Variants in A3GALT2 observed in about 807,000 individuals in gnomAD.
The protein encoded by A3GALT2 is alpha-1,3-galactosyltransferase 2.
A neutral mutation model predicts 16.6 loss-of-function variants in A3GALT2; 14 were observed. That is an observed-to-expected ratio of 0.84 (90% CI 0.56 to 1.32). The LOEUF (loss-of-function observed/expected upper bound fraction) is 1.32. Ranked by LOEUF, A3GALT2 falls within the 40% of genes most tolerant of loss-of-function variation. The pLI is 0.00. For synonymous variants in A3GALT2, 253 were observed against 218.0 expected (o/e 1.16, Z -1.42); for missense variants, 600 against 490.9 (o/e 1.22, Z -2.10).
At chr1:33,318,018 TG>T (rs1329117544) in intron 1 of A3GALT2, among the ~76,000 whole-genome samples, 1 of 152,214 alleles carries the variant, frequency 6.6e-6, no homozygotes, top group Non-Finnish European at 1.5e-5. Flanking sequence ...ATGTACTCTC[TG>T]GAAAACAGAC....
At chr1:33,311,477 A>C (rs1646232188) in intron 4 of A3GALT2, among the ~76,000 whole-genome samples, 1 of 151,964 alleles carries the variant, frequency 6.6e-6, no homozygotes, top group Non-Finnish European at 1.5e-5. Context: ...TGAATCCTCT[A>C]ATCTGGTGAC....
chr1:33,315,917 G>A (rs1298895388), intron 1 of A3GALT2, among the ~76,000 whole-genome samples: 2 of 152,166 alleles, frequency 1.3e-5, no homozygotes, highest in Admixed American at 1.3e-4. Flanking sequence ...TCAGGAAGAT[G>A]TGGGTGTAGT....
At chr1:33,308,750 G>GTTTTGTTTTTTT (rs1646216319) in intron 4 of A3GALT2, among the ~76,000 whole-genome samples, 2 of 46,130 alleles carry the variant, frequency 4.3e-5, no homozygotes, top group African/African-American at 2.4e-4. Flanking sequence ...TGTCAAAGTT[G>GTTTTGTTTTTTT]TTTTTTTTTT....
At chr1:33,317,919 C>T (rs1481385510) in intron 1 of A3GALT2, among the ~76,000 whole-genome samples, 3 of 152,138 alleles carry the variant, frequency 2.0e-5, no homozygotes, top group Admixed American at 6.5e-5. Flanking sequence ...GATTCTAGAG[C>T]GTTTTGGATT....
chr1:33,308,221 G>A (rs1032635665), intron 4 of A3GALT2, among the ~76,000 whole-genome samples: 24 of 149,854 alleles, frequency 1.6e-4, no homozygotes, highest in African/African-American at 5.4e-4. Context: ...GACTGGCAGC[G>A]TTTCTCTCTT....
Position 33,321,064 on chromosome 1 carries a change from G to GT in A3GALT2, c.23+11dup, listed in dbSNP as rs763129575. ...AAGCTTTCTTCCTCTCCATACCATT[G>GT]TCCCCCCTCACCTGAGTCCCTCCTT... On this transcript the variant is annotated intron_variant, in intron 1 of 4. Coordinates refer to ENST00000442999, the MANE Select transcript of A3GALT2 (RefSeq NM_001080438.1). The GT allele has an allele frequency of 8.1e-6, 13 of 1,612,896 alleles. No homozygotes were observed. In the South Asian group the frequency reaches 1.2e-4, roughly 15 times the overall value.
chr1:33,312,698 C>T (rs1646240569), intron 2 of A3GALT2, 108 bp from the exon 3 acceptor site: 1 of 1,438,544 alleles, frequency 7.0e-7, no homozygotes, highest in African/African-American at 1.4e-5. Context: ...CACAAGGACA[C>T]TTGAGCTGAG....
At chr1:33,312,429 G>T in intron 3 of A3GALT2, 72 bp downstream of exon 3, 1 of 1,437,398 alleles carries the variant, frequency 7.0e-7, no homozygotes. Flanking sequence ...ATGTGTGGAG[G>T]GCAGGGACAT....
chr1:33,320,232 G>A lies in A3GALT2; in HGVS notation c.23+844C>T, dbSNP rs1281378944. Among the ~76,000 whole-genome samples the A allele has an allele frequency of 6.6e-6, 1 of 152,022 alleles. No individual in the cohort carries two copies. The highest frequency in any genetic ancestry group is 1.5e-5 in the Non-Finnish European group (1 of 68,036). ...TACTGGGAGCTGGCAAGGCTGCCTCGGGAGGTGCACTGTGGGAGGTGTGCG... is the reference window on the plus strand; with the variant it reads ...TACTGGGAGCTGGCAAGGCTGCCTCAGGAGGTGCACTGTGGGAGGTGTGCG... On this transcript the variant is annotated intron_variant, in intron 1 of 4. Transcript: ENST00000442999. The surrounding 1 kb of genome is among the most constrained non-coding windows in gnomAD (Gnocchi z 4.3).
chr1:33,313,378 G>A (rs548572911), intron 1 of A3GALT2: 1 of 146,444 alleles, frequency 6.8e-6, no homozygotes, highest in African/African-American at 2.6e-5. Flanking sequence ...TTGCTATGTT[G>A]CCCACGCTTG....
In A3GALT2 at chr1:33,307,227, G is replaced by T; in HGVS notation, c.562C>A (p.Pro188Thr). ...AACATGAAGTGCGCCTCGCGGCCCG[G>T]CAGCCCGCCCAGCGCCGCGTGCAAC... ...RTLHAALGGL[P>T]GREAHFMFCM... The change falls in exon 5 of 5, where the codon CCG (proline) becomes ACG (threonine). Residue 188 changes from proline (P) to threonine (T), a missense_variant. Transcript: ENST00000442999. 1 of 1,495,080 alleles carries T rather than the reference G, an allele frequency of 6.7e-7. No individual in the cohort carries two copies. Among genetic ancestry groups the T allele is most frequent in the Non-Finnish European group, 8.9e-7 (1 of 1,123,112 alleles). 92.6% of individuals were successfully genotyped at this position (1,495,080 alleles called of 1,614,324 possible).
At position 33,306,984 on chromosome 1, in the gene A3GALT2, T is replaced by A; in HGVS notation, c.805A>T (p.Thr269Ser). The A allele has an allele frequency of 6.8e-7, 1 of 1,471,500 alleles. No individual in the cohort carries two copies. Among genetic ancestry groups the A allele is most frequent in the African/African-American group, 1.5e-5 (1 of 67,850 alleles). The allele number at this position is 1,471,500 out of a possible 1,614,324, so 91.2% of individuals were successfully genotyped here. A position where few individuals can be genotyped will look rare whatever the true frequency, so the allele number is the denominator to read the frequency against. ...TCCAGGCCCCCCGCACAGTGCGCCG[T>A]CAGCCCGCGCAGCGCCGCCACGCTG... ...GGSVAALRGL[T>S]AHCAGGLDWD... The change falls in exon 5 of 5, where the codon ACG becomes TCG. Residue 269 changes from threonine (T) to serine (S), a missense_variant. Coordinates refer to ENST00000442999, the MANE Select transcript of A3GALT2 (RefSeq NM_001080438.1).
At chr1:33,313,939 A>C (rs56111574) in intron 1 of A3GALT2, 14,476 of 151,918 alleles carry the variant, frequency 0.095, 982 homozygotes, top group East Asian at 0.26. Context: ...AGCTTTATCT[A>C]GTGATGACCA....
chr1:33,307,326 C>A lies in A3GALT2; in HGVS notation c.463G>T (p.Gly155Ter). The part of the protein sequence containing the change: ...GAVPRVALGP[G>*]RRLPVERVAR... The stretch of plus-strand genomic sequence containing the variant: ...ACGCGCTCCACGGGCAGCCGGCGTC[C>A]CGGGCCCAGCGCCACGCGGGGCACC... The change falls in exon 5 of 5, where the codon GGA (glycine) becomes TGA (stop). Residue 155 changes from glycine to a stop codon, truncating the protein, a stop_gained. Coordinates refer to ENST00000442999, the MANE Select transcript of A3GALT2 (RefSeq NM_001080438.1). LOFTEE classifies it low-confidence loss of function (END_TRUNC). The A allele has an allele frequency of 2.0e-6, 3 of 1,517,006 alleles. No homozygotes were observed. The highest frequency in any genetic ancestry group is 2.6e-6 in the Non-Finnish European group (3 of 1,141,832). 94.0% of individuals were successfully genotyped at this position (1,517,006 alleles called of 1,614,324 possible). A position where few individuals can be genotyped will look rare whatever the true frequency, so the allele number is the denominator to read the frequency against.
At chr1:33,310,399 A>G (rs751599372) in intron 4 of A3GALT2, among the ~76,000 whole-genome samples, 1 of 152,204 alleles carries the variant, frequency 6.6e-6, no homozygotes, top group Non-Finnish European at 1.5e-5. Flanking sequence ...TTTATGAGCT[A>G]TAATAATAAG....
At position 33,308,750 on chromosome 1, in the gene A3GALT2, G is replaced by GTTTTTTTTTTTTTTTTT. The variant is rs56655319; in HGVS notation, c.336-1314_336-1298dup. On this transcript the variant is annotated intron_variant, in intron 4 of 4. Transcript: ENST00000442999. ...ATTATTTTTTTGTCATGTCAAAGTT[G>GTTTTTTTTTTTTTTTTT]TTTTTTTTTTTTTTTTTTTTTTTTT... Among the ~76,000 whole-genome samples the GTTTTTTTTTTTTTTTTT allele has an allele frequency of 1.7e-4, 8 of 46,120 alleles. 1 individual carries two copies. The highest frequency in any genetic ancestry group is 6.1e-4 in the African/African-American group (5 of 8,194). The allele number at this position is 46,120 out of a possible 152,430, so 30.3% of individuals were successfully genotyped here.
At chr1:33,312,435 G>A in intron 3 of A3GALT2, 66 bp downstream of exon 3, 2 of 1,454,242 alleles carry the variant, frequency 1.4e-6, no homozygotes, top group Non-Finnish European at 9.3e-7. Context: ...GGAGGGCAGG[G>A]ACATGGGGCA....
At chr1:33,312,007 C>T (rs1191100872) in intron 4 of A3GALT2, 45 bp downstream of exon 4, 1 of 1,610,644 alleles carries the variant, frequency 6.2e-7, no homozygotes, top group Admixed American at 1.7e-5. Context: ...GCACACCCCT[C>T]CCACTCACAG....
intron 1 of A3GALT2, chr1:33,313,177 T>TTG (rs1646244048): frequency 1.7e-5 from 3 of 173,668 alleles, no homozygotes; most frequent in South Asian, 2.2e-4. Context: ...GTGACGGAGT[T>TTG]TTTTTTTTTT....
Sources: gnomAD v4.1 joint callset for allele counts (sites outside exome capture counted in the v4.1 genomes callset) on GRCh38, gnomAD v4.1.1 for gene constraint, Gnocchi (gnomAD v3.1) non-coding constraint, MANE v1.5 for transcripts, NCBI Gene and HGNC (gene_info 2026-07-23, HGNC 2026-07-21) for gene names.